Variants in LMAN1 observed in about 807,000 individuals in gnomAD.
LMAN1 encodes protein ERGIC-53.
LMAN1 carries 32 observed loss-of-function variants against 67.8 expected under a neutral mutation model. The observed-to-expected ratio is 0.47, with a 90% CI of 0.36 to 0.63. LMAN1 has a LOEUF of 0.63. LMAN1 is among the 30% of genes least tolerant of loss of function. LMAN1 has a pLI of 0.00. For missense variants in LMAN1, 632 were observed against 628.2 expected, an observed-to-expected ratio of 1.01 and a Z score of -0.06; for synonymous variants, 235 against 219.3, an observed-to-expected ratio of 1.07 and a Z score of -0.63.
intron 10 of LMAN1, among the ~76,000 whole-genome samples, chr18:59,335,409 G>A (rs1908119211): frequency 6.7e-6 from 1 of 150,170 alleles, no homozygotes; most frequent in Admixed American, 6.6e-5. Context: ...CTCCAGCCTA[G>A]GCAACAAGAG....
At chr18:59,353,413 T>A (rs1568118028) in intron 4 of LMAN1, 112 bp from the exon 5 acceptor site, 1 of 815,342 alleles carries the variant, frequency 1.2e-6, no homozygotes, top group Non-Finnish European at 2.1e-6. Flanking sequence ...ATACTTTATG[T>A]TATTTACTCA....
chr18:59,328,231 G>A lies in LMAN1; in HGVS notation c.*2862C>T, dbSNP rs1425013024. 1 of 152,258 alleles carries A rather than the reference G, an allele frequency of 6.6e-6. No individual in the cohort carries two copies. The highest frequency in any genetic ancestry group is 1.5e-5 in the Non-Finnish European group (1 of 68,024). 9.4% of individuals were successfully genotyped at this position (152,258 alleles called of 1,614,324 possible). A position where few individuals can be genotyped will look rare whatever the true frequency, so the allele number is the denominator to read the frequency against. Reference sequence around the variant, plus strand: ...TTCAAGTCATTTCTGTTTTCCCTAAGTTATCAAAAAGTACAACTGTCTGAT... The same window carrying A: ...TTCAAGTCATTTCTGTTTTCCCTAAATTATCAAAAAGTACAACTGTCTGAT... On this transcript the variant is annotated 3_prime_UTR_variant, in exon 13 of 13. Coordinates refer to ENST00000251047, the MANE Select transcript of LMAN1 (RefSeq NM_005570.4).
intron 1 of LMAN1, 137 bp downstream of exon 1, chr18:59,358,894 G>C (rs1016129864): frequency 3.5e-6 from 3 of 867,504 alleles, no homozygotes; most frequent in East Asian, 5.2e-5. Context: ...GCTGCCAGGA[G>C]GGTCCCCTCC....
intron 1 of LMAN1, 23 bp downstream of exon 1, chr18:59,359,008 C>T (rs755412998): frequency 1.9e-6 from 3 of 1,610,888 alleles, no homozygotes; most frequent in Non-Finnish European, 2.5e-6. Flanking sequence ...GAACCCGGCC[C>T]CCAGCCCTCT....
At position 59,336,373 on chromosome 18, in the gene LMAN1, C is replaced by T. The variant is rs557845054; in HGVS notation, c.1220+2184G>A. 4.6e-5 allele frequency among the ~76,000 whole-genome samples: 7 copies of T among 152,220 alleles called. No homozygotes were observed. In the South Asian group the frequency reaches 6.2e-4, roughly 14 times the overall value. ...AAAAGATGAGGGCTTGTTGAGAGAA[C>T]AAAGATGCCAACATGAAGGAGCTCA... On this transcript the variant is annotated intron_variant, in intron 10 of 12. Coordinates refer to ENST00000251047, the MANE Select transcript of LMAN1 (RefSeq NM_005570.4).
intron 10 of LMAN1, among the ~76,000 whole-genome samples, chr18:59,334,484 T>C (rs868559410): frequency 7.2e-5 from 11 of 152,206 alleles, no homozygotes; most frequent in African/African-American, 2.4e-4. Flanking sequence ...CCTATGGGGA[T>C]AGAATTGTGG....
chr18:59,335,507 C>T (rs941802743), intron 10 of LMAN1, among the ~76,000 whole-genome samples: 5 of 151,248 alleles, frequency 3.3e-5, no homozygotes, highest in African/African-American at 4.9e-5. Flanking sequence ...AAGAACAAAC[C>T]GGAAGCTAAC....
chr18:59,359,102 T>C lies in LMAN1; in HGVS notation c.143A>G (p.Tyr48Cys). ...GTGCGGCCCCTTGAAGCTGTATTTG[T>C]ACTCGAAACGGCGATGTGGCAACGC... ...AVALPHRRFE[Y>C]KYSFKGPHLV... is the part of the protein sequence containing the mutation. Residue 48 changes from tyrosine (Y) to cysteine (C), a missense_variant, in exon 1 of 13, where the codon TAC becomes TGC. Physicochemically the swap from Tyr to Cys is radical, Grantham distance 194. Coordinates refer to ENST00000251047, the MANE Select transcript of LMAN1 (RefSeq NM_005570.4). 6.2e-7 allele frequency: 1 copy of C among 1,614,084 alleles called. No homozygotes were observed. Among genetic ancestry groups the C allele is most frequent in the East Asian group, 2.2e-5 (1 of 44,866 alleles).
intron 11 of LMAN1, 85 bp downstream of exon 11, chr18:59,333,006 T>C: frequency 1.8e-6 from 2 of 1,136,294 alleles, no homozygotes; most frequent in Non-Finnish European, 2.6e-6. Context: ...TAGCATTAAC[T>C]AAAGGGTTAA....
At chr18:59,355,994 T>C (rs540410761) in intron 1 of LMAN1, among the ~76,000 whole-genome samples, 22 of 152,286 alleles carry the variant, frequency 1.4e-4, no homozygotes, top group Non-Finnish European at 2.4e-4. Context: ...CAACGTATTT[T>C]ACCTGTTTGC....
At chr18:59,347,405 TAGCAG>T in intron 7 of LMAN1, 103 bp downstream of exon 7, 1 of 549,294 alleles carries the variant, frequency 1.8e-6, no homozygotes, top group Non-Finnish European at 3.3e-6. Context: ...CAAGACCATA[TAGCAG>T]TAACTGGCAG....
Position 59,359,226 on chromosome 18 carries a change from T to C in LMAN1, c.19A>G (p.Arg7Gly). 1 of 1,613,748 alleles carries C rather than the reference T, an allele frequency of 6.2e-7. No individual in the cohort carries two copies. Among genetic ancestry groups the C allele is most frequent in the South Asian group, 1.1e-5 (1 of 91,034 alleles). The stretch of plus-strand genomic sequence containing the variant: ...GGCCGAACTCTGGCCCGGAGACCCC[T>C]TTGCCTGGATCCCGCCATCTTGGAT... MAGSRQ[R>G]GLRARVRPLF... The change falls in exon 1 of 13, where the codon AGG becomes GGG. Residue 7 changes from arginine to glycine, a missense_variant. Transcript: ENST00000251047.
In LMAN1 at chr18:59,333,234, T is replaced by C; in HGVS notation, c.1231A>G (p.Ser411Gly). 1 of 1,613,266 alleles carries C rather than the reference T, an allele frequency of 6.2e-7. No individual in the cohort carries two copies. The highest frequency in any genetic ancestry group is 8.5e-7 in the Non-Finnish European group (1 of 1,179,598). Residue 411 changes from serine (S) to glycine (G), a missense_variant, in exon 11 of 13, where the codon AGT (serine) becomes GGT (glycine). Physicochemically the swap from Ser to Gly is moderately conservative, Grantham distance 56. Coordinates refer to ENST00000251047, the MANE Select transcript of LMAN1 (RefSeq NM_005570.4). ...CCACTGACCAGTCTGACGGTTTCAC[T>C]CATGGAATTTCTGAAACAGAAAGTC... is the stretch of plus-strand genomic sequence containing the variant. ...RQVNEMKNSM[S>G]ETVRLVSGMQ...
At chr18:59,352,456 T>C (rs896898851) in intron 5 of LMAN1, among the ~76,000 whole-genome samples, 31 of 152,376 alleles carry the variant, frequency 2.0e-4, no homozygotes, top group African/African-American at 6.5e-4. Context: ...AAGCTTCTTA[T>C]GGGTTAAACT....
chr18:59,332,767 G>A (rs960173999), intron 11 of LMAN1, among the ~76,000 whole-genome samples: 3 of 152,130 alleles, frequency 2.0e-5, no homozygotes, highest in Non-Finnish European at 4.4e-5. Flanking sequence ...TTAGAACCTT[G>A]ACGGAAAAAT....
Position 59,349,102 on chromosome 18 carries a change from G to T in LMAN1, c.763+11C>A. 1.2e-6 allele frequency: 2 copies of T among 1,613,866 alleles called. No homozygotes were observed. The highest frequency in any genetic ancestry group is 1.7e-6 in the Non-Finnish European group (2 of 1,179,804). ...CACAAACTTTTAATATCATCAGACT[G>T]CAAGATTTACCTGCAAGACCTCCAG... On this transcript the variant is annotated intron_variant, in intron 6 of 12. Transcript: ENST00000251047.
chr18:59,354,464 T>C lies in LMAN1; in HGVS notation c.539+55A>G, dbSNP rs1451733734. The C allele has an allele frequency of 7.3e-6, 7 of 961,284 alleles. No homozygotes were observed. The East Asian group carries it at 1.7e-4, about 23-fold the overall frequency. The allele number at this position is 961,284 out of a possible 1,614,324, so 59.5% of individuals were successfully genotyped here. On this transcript the variant is annotated intron_variant, in intron 4 of 12. Transcript: ENST00000251047. The stretch of plus-strand genomic sequence containing the variant: ...TTCAGATTTGAAACAATGTATTTCA[T>C]AAGGATTCCAAAAAGAAGCTGAAAT...
chr18:59,346,194 C>T (rs1191338864), intron 7 of LMAN1, 143 bp from the exon 8 acceptor site: 3 of 423,958 alleles, frequency 7.1e-6, no homozygotes, highest in Non-Finnish European at 1.2e-5. Context: ...TTTACTTAAA[C>T]GATAGCAAAT....
chr18:59,357,039 A>T (rs1473856876), intron 1 of LMAN1, among the ~76,000 whole-genome samples: 2 of 152,068 alleles, frequency 1.3e-5, no homozygotes, highest in East Asian at 3.9e-4. Context: ...CTTTTTTTTT[A>T]AAGTAATGAA....
Sources: gnomAD v4.1 joint callset for allele counts (sites outside exome capture counted in the v4.1 genomes callset) on GRCh38, gnomAD v4.1.1 for gene constraint, MANE v1.5 for transcripts, NCBI Gene and HGNC (gene_info 2026-07-23, HGNC 2026-07-21) for gene names.